CLIP2: variants seen among roughly 807,000 people sequenced by gnomAD.
CLIP2 encodes CAP-Gly domain containing linker protein 2.
Under a neutral mutation model 111.7 loss-of-function variants are expected in CLIP2, and 41 were observed. The ratio of observed to expected loss-of-function variants is 0.37; its 90% CI spans 0.29 to 0.48. The LOEUF (loss-of-function observed/expected upper bound fraction) is 0.48, where lower values mean the gene tolerates loss of function less well. CLIP2 is among the 20% of genes least tolerant of loss of function. The probability of loss-of-function intolerance (pLI) is 0.99; values close to 1 mark genes in which losing one functional copy is unlikely to be tolerated. For synonymous variants in CLIP2, 660 were observed against 644.2 expected (o/e 1.02, Z -0.37); for missense variants, 1,160 against 1,422.1 (o/e 0.82, Z 2.96).
intron 2 of CLIP2, among the ~76,000 whole-genome samples, chr7:74,334,675 G>A (rs552285723): frequency 2.9e-4 from 44 of 152,218 alleles, no homozygotes; most frequent in African/African-American, 5.3e-4. Flanking sequence ...CCCACTGTGC[G>A]TGTGGTCAAG....
At chr7:74,346,718 C>CAA (rs1214324954) in intron 3 of CLIP2, among the ~76,000 whole-genome samples, 63 of 55,846 alleles carry the variant, frequency 1.1e-3, no homozygotes, top group Middle Eastern at 0.011. Flanking sequence ...GTAAGATTCT[C>CAA]AAAAAAAAAA....
intron 1 of CLIP2, among the ~76,000 whole-genome samples, chr7:74,315,008 G>A (rs1157648634): frequency 6.6e-6 from 1 of 152,228 alleles, no homozygotes; most frequent in Non-Finnish European, 1.5e-5. Context: ...CGGGCGTGGT[G>A]GCTCACGCCT....
At chr7:74,340,704 C>T (rs1220290460) in intron 3 of CLIP2, among the ~76,000 whole-genome samples, 1 of 152,144 alleles carries the variant, frequency 6.6e-6, no homozygotes, top group Admixed American at 6.6e-5. Flanking sequence ...CTGTGGTGGC[C>T]TTGGGCTAAC....
chr7:74,309,551 A>G (rs1554728197), intron 1 of CLIP2, among the ~76,000 whole-genome samples: 1 of 152,006 alleles, frequency 6.6e-6, no homozygotes, highest in Non-Finnish European at 1.5e-5. Context: ...TCTTCTACTT[A>G]GCAAAATGTT....
At chr7:74,326,801 T>C (rs1789123454) in intron 2 of CLIP2, among the ~76,000 whole-genome samples, 1 of 150,274 alleles carries the variant, frequency 6.7e-6, no homozygotes. Context: ...CACGCCTGGC[T>C]AATTTTTGTA....
chr7:74,322,002 GAGAC>G (rs1788970197), intron 2 of CLIP2, among the ~76,000 whole-genome samples: 1 of 32,062 alleles, frequency 3.1e-5, no homozygotes, highest in Admixed American at 3.1e-4. Flanking sequence ...TTTTTTTTTT[GAGAC>G]AGAGTCTTGC....
At chr7:74,371,698 AAGAG>A (rs1217545516) in intron 8 of CLIP2, among the ~76,000 whole-genome samples, 3 of 142,300 alleles carry the variant, frequency 2.1e-5, no homozygotes, top group Admixed American at 7.1e-5. Context: ...GGGGAGAAAG[AAGAG>A]AGAGAAAGTG....
At chr7:74,303,092 A>G (rs1788383140) in intron 1 of CLIP2, among the ~76,000 whole-genome samples, 2 of 152,080 alleles carry the variant, frequency 1.3e-5, no homozygotes, top group African/African-American at 4.8e-5. Context: ...GGCCTGAGGG[A>G]TAGTGGGTAT....
rs1791206122 is a variant in CLIP2 at position 74,389,205 on chromosome 7, A to C, written c.2666A>C (p.His889Pro). ...CTGGAGACCGTGTCCCGGAAGACCC[A>C]TGACGCCTCGGGCCAGCTAGTCCTC... ...AELETVSRKT[H>P]DASGQLVLIS... is the part of the protein sequence containing the mutation. Residue 889 changes from histidine (H) to proline (P), a missense_variant, in exon 13 of 17, where the codon CAT becomes CCT. Around this residue, in one of 5 missense-constraint regions of CLIP2, gnomAD observed 676 missense variants for 777.8 expected, o/e 0.87. Transcript: ENST00000223398. The C allele has an allele frequency of 6.2e-7, 1 of 1,612,924 alleles. No individual in the cohort carries two copies. Among genetic ancestry groups the C allele is most frequent in the Non-Finnish European group, 8.5e-7 (1 of 1,179,692 alleles).
chr7:74,307,264 G>A (rs1564028768), intron 1 of CLIP2, among the ~76,000 whole-genome samples: 1 of 152,320 alleles, frequency 6.6e-6, no homozygotes, highest in African/African-American at 2.4e-5. Flanking sequence ...GAGGCCAGGG[G>A]GCTCACAAAT....
chr7:74,330,621 A>G (rs782124004), intron 2 of CLIP2, among the ~76,000 whole-genome samples: 1 of 152,066 alleles, frequency 6.6e-6, no homozygotes, highest in African/African-American at 2.4e-5. Flanking sequence ...CCAGGCCACC[A>G]TGCCCTGTGC....
Position 74,299,703 on chromosome 7 carries a change from TC to T in CLIP2, c.-68+9970del, listed in dbSNP as rs201374117. ...GCTGACTCGAGGCCCTTCTTCTTCT[TC>T]TTTTTTTTTTTGAGACGGAGTTTCG... On this transcript the variant is annotated intron_variant, in intron 1 of 16. Transcript: ENST00000223398. 1.2e-3 allele frequency among the ~76,000 whole-genome samples: 184 copies of T among 148,782 alleles called. 6 individuals carry two copies. Among genetic ancestry groups the T allele is most frequent in the Middle Eastern group, 6.9e-3 (2 of 290 alleles).
chr7:74,297,278 GCCTGGGCAA>G lies in CLIP2; in HGVS notation c.-68+7548_-68+7556del, dbSNP rs1158768549. Among the ~76,000 whole-genome samples the G allele has an allele frequency of 1.3e-4, 20 of 152,190 alleles. No homozygotes were observed. In the East Asian group the frequency reaches 3.9e-3, roughly 29 times the overall value. On this transcript the variant is annotated intron_variant, in intron 1 of 16. Transcript: ENST00000223398. ...GCTTGAGCTCAGGAGCTTGAGACCA[GCCTGGGCAA>G]CCTAGCAAGGGCCCATGTCTACAAA...
At chr7:74,314,225 T>C (rs1394832957) in intron 1 of CLIP2, among the ~76,000 whole-genome samples, 1 of 148,778 alleles carries the variant, frequency 6.7e-6, no homozygotes, top group African/African-American at 2.5e-5. Context: ...GTGCGGTGGC[T>C]CATGCCTGTA....
intron 2 of CLIP2, among the ~76,000 whole-genome samples, chr7:74,326,611 G>A (rs1789113876): frequency 6.6e-6 from 1 of 151,470 alleles, no homozygotes. Flanking sequence ...CTGCTCTCTA[G>A]TACACACACA....
chr7:74,313,146 T>A (rs1554728730), intron 1 of CLIP2, among the ~76,000 whole-genome samples: 2 of 151,716 alleles, frequency 1.3e-5, no homozygotes, highest in African/African-American at 4.8e-5. Context: ...TGAGACCCTG[T>A]CTCTACAAAA....
chr7:74,296,745 C>T (rs868968889), intron 1 of CLIP2, among the ~76,000 whole-genome samples: 13 of 146,930 alleles, frequency 8.8e-5, no homozygotes, highest in African/African-American at 2.7e-4. Flanking sequence ...GCTGAGATCG[C>T]GTCACTGCAC....
chr7:74,390,703 A>G (rs1468002218), intron 13 of CLIP2, among the ~76,000 whole-genome samples: 2 of 142,298 alleles, frequency 1.4e-5, no homozygotes, highest in Admixed American at 7.4e-5. Flanking sequence ...TGCATGTAAC[A>G]TAAGTAGCAT....
In CLIP2 at chr7:74,349,468, GTGTATATA is replaced by G. The variant is rs1266732028; in HGVS notation, c.679-4410_679-4403del. Among the ~76,000 whole-genome samples, 124 of 61,770 alleles carry G rather than the reference GTGTATATA, an allele frequency of 2.0e-3. 1 individual carries two copies. The highest frequency in any genetic ancestry group is 5.1e-3 in the South Asian group (7 of 1,376). 40.5% of individuals were successfully genotyped at this position (61,770 alleles called of 152,430 possible). ...AAAAAGTATGTATGTGTGTGTGTGT[GTGTATATA>G]TATATATATATATATATATATATAT... On this transcript the variant is annotated intron_variant, in intron 3 of 16. Coordinates refer to ENST00000223398, the MANE Select transcript of CLIP2 (RefSeq NM_003388.5).
Sources: allele counts gnomAD v4.1 joint callset (sites outside exome capture counted in the v4.1 genomes callset), GRCh38; gene constraint gnomAD v4.1.1; regional missense constraint gnomAD v4.1.1; transcripts MANE v1.5; gene names NCBI Gene and HGNC (gene_info 2026-07-23, HGNC 2026-07-21).